The following ATG7 variants were observed in gnomAD, a reference collection of about 807,000 sequenced individuals.
The protein encoded by ATG7 is autophagy related 7, also known as ubiquitin-like modifier-activating enzyme ATG7.
In ATG7, 70 loss-of-function variants were observed where a neutral mutation model predicts 82.4. The observed-to-expected ratio is 0.85, with a 90% confidence interval of 0.70 to 1.04. ATG7 has a LOEUF of 1.04. ATG7 is among the 50% of genes least tolerant of loss of function. The pLI is 0.00. For missense variants in ATG7, 792 were observed against 864.3 expected, an observed-to-expected ratio of 0.92 and a Z score of 1.05; for synonymous variants, 287 against 313.0, an observed-to-expected ratio of 0.92 and a Z score of 0.88.
chr3:11,536,429 C>A (rs2070300810), intron 20 of ATG7, among the ~76,000 whole-genome samples: 1 of 152,226 alleles, frequency 6.6e-6, no homozygotes. Flanking sequence ...CACAGCAGGA[C>A]CAGCTCCTTC....
intron 19 of ATG7, among the ~76,000 whole-genome samples, chr3:11,405,850 G>A (rs985750431): frequency 1.3e-5 from 2 of 151,734 alleles, no homozygotes; most frequent in Non-Finnish European, 2.9e-5. Context: ...AAACTTCTGG[G>A]CTTAAGACAT....
At chr3:11,337,866 C>T (rs1952793140) in intron 11 of ATG7, among the ~76,000 whole-genome samples, 1 of 151,914 alleles carries the variant, frequency 6.6e-6, no homozygotes, top group Non-Finnish European at 1.5e-5. Flanking sequence ...TTACCTGTAT[C>T]AAGAGAAAAC....
intron 20 of ATG7, among the ~76,000 whole-genome samples, chr3:11,494,693 A>G (rs751343221): frequency 1.3e-5 from 2 of 152,194 alleles, no homozygotes; most frequent in Non-Finnish European, 2.9e-5. Flanking sequence ...GAGGACTCAC[A>G]TTTATGGAGG....
chr3:11,340,722 A>G lies in ATG7; in HGVS notation c.967A>G (p.Met323Val), dbSNP rs1302919512. 10 of 1,613,528 alleles carry G rather than the reference A, an allele frequency of 6.2e-6. No individual in the cohort carries two copies. Among genetic ancestry groups the G allele is most frequent in the Non-Finnish European group, 8.5e-6 (10 of 1,179,638 alleles). ...AAGGATGGTGAACCTCAGTGAATGT[A>G]TGGACCCTAAAAGGTATATTTGGGA... is the stretch of plus-strand genomic sequence containing the variant. ...GPRMVNLSECMDPKRLAESSV... is the reference protein window; with the variant it reads ...GPRMVNLSECVDPKRLAESSV... The change falls in exon 12 of 21, where the codon ATG becomes GTG. Residue 323 changes from methionine (M) to valine (V), a missense_variant. Coordinates refer to ENST00000693202, the MANE Select transcript of ATG7 (RefSeq NM_001349232.2).
intron 20 of ATG7, among the ~76,000 whole-genome samples, chr3:11,467,536 T>C (rs2086960032): frequency 6.6e-6 from 1 of 152,170 alleles, no homozygotes; most frequent in African/African-American, 2.4e-5. Context: ...CCATCGTGCC[T>C]GACTAATTTT....
At chr3:11,508,276 G>A (rs555462522) in intron 20 of ATG7, among the ~76,000 whole-genome samples, 3 of 151,156 alleles carry the variant, frequency 2.0e-5, no homozygotes, top group Non-Finnish European at 2.9e-5. Context: ...CCTGAGCCAC[G>A]TTGGAAGAAT....
chr3:11,328,886 A>T (rs758620195), intron 9 of ATG7, among the ~76,000 whole-genome samples: 1 of 152,226 alleles, frequency 6.6e-6, no homozygotes, highest in Non-Finnish European at 1.5e-5. Flanking sequence ...CAGGCGTTCG[A>T]GACCAACCTG....
At chr3:11,394,211 T>C (rs2079035596) in intron 19 of ATG7, among the ~76,000 whole-genome samples, 2 of 152,196 alleles carry the variant, frequency 1.3e-5, no homozygotes, top group Non-Finnish European at 2.9e-5. Flanking sequence ...AAGAATACCA[T>C]AGAACTTTTT....
chr3:11,543,096 C>T (rs2070967948), intron 20 of ATG7, among the ~76,000 whole-genome samples: 1 of 152,064 alleles, frequency 6.6e-6, no homozygotes, highest in South Asian at 2.1e-4. Flanking sequence ...CAACCGACCC[C>T]ACGGTGCAGG....
chr3:11,385,702 G>C (rs1211916415), intron 19 of ATG7, among the ~76,000 whole-genome samples: 1 of 152,200 alleles, frequency 6.6e-6, no homozygotes, highest in African/African-American at 2.4e-5. Flanking sequence ...TGACTTCTGA[G>C]TTGATGTTAA....
intron 1 of ATG7, among the ~76,000 whole-genome samples, chr3:11,272,998 A>T (rs1940832362): frequency 6.6e-6 from 1 of 152,274 alleles, no homozygotes; most frequent in African/African-American, 2.4e-5. Context: ...CATTTGTCAG[A>T]AATAGAGTCA....
chr3:11,313,376 A>G lies in ATG7; in HGVS notation c.484A>G (p.Ile162Val). Residue 162 changes from isoleucine (I) to valine (V), a missense_variant, in exon 8 of 21, where the codon ATT becomes GTT. Transcript: ENST00000693202. ...CTGTCTTCCAGAGAGTTTACCTCTC[A>G]TTCAGGGGCCAGTGGGTTTGGATCA... ...ALCLPESLPLIQGPVGLDQRF... is the reference protein window; with the variant it reads ...ALCLPESLPLVQGPVGLDQRF... The G allele has an allele frequency of 6.2e-7, 1 of 1,612,960 alleles. No homozygotes were observed. Among genetic ancestry groups the G allele is most frequent in the Non-Finnish European group, 8.5e-7 (1 of 1,179,398 alleles).
At chr3:11,534,760 TG>T (rs1449948208) in intron 20 of ATG7, among the ~76,000 whole-genome samples, 1 of 152,190 alleles carries the variant, frequency 6.6e-6, no homozygotes, top group Admixed American at 6.5e-5. Context: ...CTTGACCACC[TG>T]GGGGGAGTCA....
intron 19 of ATG7, among the ~76,000 whole-genome samples, chr3:11,393,398 G>C (rs1390101157): frequency 6.6e-6 from 1 of 152,114 alleles, no homozygotes; most frequent in East Asian, 1.9e-4. Flanking sequence ...ACCCATAAGA[G>C]GAAGGGAGGG....
chr3:11,334,899 T>G (rs1952183546), intron 11 of ATG7, among the ~76,000 whole-genome samples: 1 of 142,500 alleles, frequency 7.0e-6, no homozygotes, highest in Admixed American at 7.7e-5. Flanking sequence ...GGAGGTGTAG[T>G]GAGCCGACTG....
At chr3:11,308,847 A>G in intron 6 of ATG7, 137 bp from the exon 7 acceptor site, 1 of 777,714 alleles carries the variant, frequency 1.3e-6, no homozygotes, top group East Asian at 2.5e-5. Flanking sequence ...GTAACAACCC[A>G]CTTCATTGTT....
chr3:11,314,637 T>C (rs1008037044), intron 8 of ATG7, among the ~76,000 whole-genome samples: 5 of 152,116 alleles, frequency 3.3e-5, no homozygotes, highest in Non-Finnish European at 5.9e-5. Flanking sequence ...GTACTTTAAA[T>C]GGGTGAATTG....
At chr3:11,560,946 G>A (rs2072932912), downstream of ATG7, among the ~76,000 whole-genome samples, 1 of 152,128 alleles carries the variant, frequency 6.6e-6, no homozygotes, top group African/African-American at 2.4e-5. Flanking sequence ...GACAGATGAG[G>A]CCTGGAGCAG....
intron 10 of ATG7, among the ~76,000 whole-genome samples, chr3:11,331,940 G>A (rs1486129638): frequency 6.6e-6 from 1 of 152,148 alleles, no homozygotes; most frequent in African/African-American, 2.4e-5. Context: ...AAGTGTTGTC[G>A]AAGATGTGGA....
Sources: allele counts gnomAD v4.1 joint callset (sites outside exome capture counted in the v4.1 genomes callset), GRCh38; gene constraint gnomAD v4.1.1; transcripts MANE v1.5; gene names NCBI Gene and HGNC (gene_info 2026-07-23, HGNC 2026-07-21).